STXBP5: variants seen among roughly 807,000 people sequenced by gnomAD.
STXBP5 encodes syntaxin binding protein 5.
Under a neutral mutation model 152.4 loss-of-function variants are expected in STXBP5, and 50 were observed. The ratio of observed to expected loss-of-function variants is 0.33; its 90% CI spans 0.26 to 0.42. STXBP5 has a LOEUF of 0.42. Ranked by LOEUF, STXBP5 falls within the 10% of genes least tolerant of loss-of-function variation. The pLI is 1.00. For synonymous variants in STXBP5, 492 were observed against 494.7 expected (o/e 0.99, Z 0.07); for missense variants, 1,167 against 1,388.6 (o/e 0.84, Z 2.54).
At chr6:147,358,239 A>C (rs1469080195) in intron 22 of STXBP5, among the ~76,000 whole-genome samples, 1 of 152,190 alleles carries the variant, frequency 6.6e-6, no homozygotes, top group African/African-American at 2.4e-5. Context: ...TCATACAGTA[A>C]ATTAGAAGGT....
chr6:147,380,481 C>A (rs989686262), intron 26 of STXBP5, among the ~76,000 whole-genome samples: 1 of 150,510 alleles, frequency 6.6e-6, no homozygotes, highest in African/African-American at 2.4e-5. Context: ...GATGTTGGGC[C>A]CCAGCTTCAC....
intron 25 of STXBP5, among the ~76,000 whole-genome samples, chr6:147,368,080 C>T (rs970462496): frequency 3.3e-5 from 5 of 152,106 alleles, no homozygotes; most frequent in African/African-American, 1.2e-4. Flanking sequence ...GCTCTATCAA[C>T]ATTTCAGGAA....
chr6:147,260,781 G>T, intron 5 of STXBP5, 32 bp downstream of exon 5: 1 of 1,608,822 alleles, frequency 6.2e-7, no homozygotes, highest in Non-Finnish European at 8.5e-7. Context: ...GTATCTGAAA[G>T]CATCAGTTCT....
rs1429485471 is a variant in STXBP5, at chr6:147,387,939, G to A, written c.*3184G>A. The A allele has an allele frequency of 1.3e-5, 2 of 151,634 alleles. No homozygotes were observed. Among genetic ancestry groups the A allele is most frequent in the African/African-American group, 4.8e-5 (2 of 41,362 alleles). The allele number at this position is 151,634 out of a possible 1,614,324, so 9.4% of individuals were successfully genotyped here. A position where few individuals can be genotyped will look rare whatever the true frequency, so the allele number is the denominator to read the frequency against. Reference sequence around the variant, plus strand: ...ACAGCTGAGGAAAGGAAGAATATGTGGAAGACACCACGGAGTTCAAAGTTT... The same window carrying A: ...ACAGCTGAGGAAAGGAAGAATATGTAGAAGACACCACGGAGTTCAAAGTTT... On this transcript the variant is annotated 3_prime_UTR_variant, in exon 28 of 28. Coordinates refer to ENST00000321680, the MANE Select transcript of STXBP5 (RefSeq NM_001127715.4).
chr6:147,224,770 T>C (rs945402115), intron 2 of STXBP5, among the ~76,000 whole-genome samples: 4 of 152,216 alleles, frequency 2.6e-5, no homozygotes, highest in Non-Finnish European at 4.4e-5. Flanking sequence ...TTTTTTTAAA[T>C]TGTTTTTATG....
chr6:147,210,096 A>C (rs1776771411), intron 2 of STXBP5, among the ~76,000 whole-genome samples: 1 of 152,180 alleles, frequency 6.6e-6, no homozygotes, highest in Non-Finnish European at 1.5e-5. Flanking sequence ...CTTCACAGAA[A>C]ATTATTAATC....
intron 21 of STXBP5, among the ~76,000 whole-genome samples, chr6:147,348,163 G>T (rs1295452269): frequency 6.6e-6 from 1 of 152,102 alleles, no homozygotes; most frequent in Non-Finnish European, 1.5e-5. Flanking sequence ...GTTTCAGCAG[G>T]AATTAGGTAA....
Position 147,204,763 on chromosome 6 carries a change from G to C in STXBP5, c.150+81G>C, listed in dbSNP as rs1776451871. 1 of 1,353,424 alleles carries C rather than the reference G, an allele frequency of 7.4e-7. No individual in the cohort carries two copies. Among genetic ancestry groups the C allele is most frequent in the South Asian group, 1.5e-5 (1 of 64,858 alleles). 83.8% of individuals were successfully genotyped at this position (1,353,424 alleles called of 1,614,324 possible). ...AGGGGGCTACTCGGGCTTTACATGG[G>C]AATGCAAGGGAAGAGAACGCCAATA... On this transcript the variant is annotated intron_variant, in intron 1 of 27. Transcript: ENST00000321680. The surrounding 1 kb of genome is among the most constrained non-coding windows in gnomAD (Gnocchi z 4.3).
chr6:147,325,018 TGGTTTGGGTG>T lies in STXBP5; in HGVS notation c.1866_1875del (p.Trp623GlufsTer7). 6.3e-7 allele frequency: 1 copy of T among 1,597,250 alleles called. No homozygotes were observed. The highest frequency in any genetic ancestry group is 8.5e-7 in the Non-Finnish European group (1 of 1,169,604). ...TATCAAACAGAACTAGTTATTCAGT[TGGTTTGGGTG>T]GGTGGAGAACCACCACAACAAATAA... On this transcript the variant is annotated frameshift_variant, in exon 17 of 28. Coordinates refer to ENST00000321680, the MANE Select transcript of STXBP5 (RefSeq NM_001127715.4). LOFTEE classifies it high-confidence loss of function.
In STXBP5 at chr6:147,241,908, C is replaced by T. The variant is rs906333337; in HGVS notation, c.431+2638C>T. On this transcript the variant is annotated intron_variant, in intron 4 of 27. Coordinates refer to ENST00000321680, the MANE Select transcript of STXBP5 (RefSeq NM_001127715.4). ...AATATTTGATAATGATAACAAATGA[C>T]TGTTACTGTCATATATTTATTAGAA... 3.3e-5 allele frequency among the ~76,000 whole-genome samples: 5 copies of T among 152,110 alleles called. 1 individual carries two copies. In the South Asian group the frequency reaches 1.0e-3, roughly 32 times the overall value.
At chr6:147,324,277 T>G (rs1274270732) in intron 16 of STXBP5, among the ~76,000 whole-genome samples, 17 of 130,366 alleles carry the variant, frequency 1.3e-4, no homozygotes, top group African/African-American at 3.7e-4. Flanking sequence ...TTTTTTTTTT[T>G]TTTTTTTTTT....
chr6:147,219,966 A>G (rs1777378631), intron 2 of STXBP5, among the ~76,000 whole-genome samples: 1 of 151,680 alleles, frequency 6.6e-6, no homozygotes, highest in Non-Finnish European at 1.5e-5. Context: ...TTCTTAAAGC[A>G]GAAGTGATTG....
chr6:147,260,580 C>G, intron 4 of STXBP5, 35 bp from the exon 5 acceptor site: 1 of 1,612,522 alleles, frequency 6.2e-7, no homozygotes, highest in Non-Finnish European at 8.5e-7. Flanking sequence ...TGCCATTTTT[C>G]AAATTTCTTT....
At chr6:147,245,466 C>T (rs1296510131) in intron 4 of STXBP5, among the ~76,000 whole-genome samples, 1 of 152,060 alleles carries the variant, frequency 6.6e-6, no homozygotes, top group Admixed American at 6.5e-5. Context: ...ATCACAGGGA[C>T]AAATTTGCCG....
chr6:147,346,721 C>G (rs1403288196), intron 21 of STXBP5, among the ~76,000 whole-genome samples: 1 of 151,666 alleles, frequency 6.6e-6, no homozygotes, highest in African/African-American at 2.4e-5. Flanking sequence ...GTGTGGGTGA[C>G]AGGGTGAGTC....
At chr6:147,226,969 A>G (rs940499138) in intron 2 of STXBP5, among the ~76,000 whole-genome samples, 1 of 152,132 alleles carries the variant, frequency 6.6e-6, no homozygotes, top group Non-Finnish European at 1.5e-5. Context: ...TTTCCCCTTA[A>G]TGTGCCCATT....
chr6:147,310,227 C>T lies in STXBP5; in HGVS notation c.1061C>T (p.Pro354Leu). 6.4e-7 allele frequency: 1 copy of T among 1,568,398 alleles called. No individual in the cohort carries two copies. The highest frequency in any genetic ancestry group is 8.6e-7 in the Non-Finnish European group (1 of 1,164,248). ...GATTTTCTAACGCTGTGTGAAACAC[C>T]ATACCCAAATGGTAAGCTTTGCAAC... ...IVDFLTLCET[P>L]YPNDFQEPYA... is the part of the protein sequence containing the mutation. The change falls in exon 10 of 28, where the codon CCA (proline) becomes CTA (leucine). Residue 354 changes from proline to leucine, a missense_variant. Pro to Leu is a moderately conservative substitution (Grantham distance 98). Transcript: ENST00000321680.
rs567393468 is a variant in STXBP5 at position 147,318,587 on chromosome 6, A to G, written c.1802+2180A>G. Among the ~76,000 whole-genome samples, 3 of 152,300 alleles carry G rather than the reference A, an allele frequency of 2.0e-5. No homozygotes were observed. The East Asian group carries it at 5.8e-4, about 29-fold the overall frequency. On this transcript the variant is annotated intron_variant, in intron 16 of 27. Transcript: ENST00000321680. ...TACTTGTGATGGAATGTTATGGCAC[A>G]CTATTAATCTTTTGTAATTATTTAA... is the stretch of plus-strand genomic sequence containing the variant.
intron 8 of STXBP5, among the ~76,000 whole-genome samples, chr6:147,280,758 G>A (rs531800962): frequency 6.6e-6 from 1 of 152,142 alleles, no homozygotes; most frequent in East Asian, 1.9e-4. Context: ...TAGCAGAAAA[G>A]GGTCACTAGC....
Sources: allele counts gnomAD v4.1 joint callset (sites outside exome capture counted in the v4.1 genomes callset), GRCh38; gene constraint gnomAD v4.1.1; non-coding constraint Gnocchi (gnomAD v3.1); transcripts MANE v1.5; gene names NCBI Gene and HGNC (gene_info 2026-07-23, HGNC 2026-07-21).